Variants in PRKAR2B observed in about 807,000 individuals in gnomAD.
The protein encoded by PRKAR2B is cAMP-dependent protein kinase type II-beta regulatory subunit.
A neutral mutation model predicts 49.9 loss-of-function variants in PRKAR2B; 14 were observed. The observed-to-expected ratio is 0.28, with a 90% CI of 0.19 to 0.44. The LOEUF is 0.44. PRKAR2B is among the 20% of genes least tolerant of loss of function. PRKAR2B has a pLI of 1.00. For missense variants in PRKAR2B, 393 were observed against 537.9 expected, an observed-to-expected ratio of 0.73 and a Z score of 2.67; for synonymous variants, 196 against 197.7, an observed-to-expected ratio of 0.99 and a Z score of 0.07.
At position 107,046,831 on chromosome 7, in the gene PRKAR2B, C is replaced by CATATAT. The variant is rs113417055; in HGVS notation, c.307+1628_307+1633dup. On this transcript the variant is annotated intron_variant, in intron 1 of 10. Transcript: ENST00000265717. ...AGGAACTAAGGGGCTTGGTAAAGACCATATATATATATATATTCTGTATGA... is the reference window on the plus strand; with the variant it reads ...AGGAACTAAGGGGCTTGGTAAAGACCATATATATATATATATATATATTCTGTATGA... Among the ~76,000 whole-genome samples, 1,055 of 149,222 alleles carry CATATAT rather than the reference C, an allele frequency of 7.1e-3. 11 individuals are homozygous for CATATAT. The highest frequency in any genetic ancestry group is 0.023 in the African/African-American group (957 of 40,798).
intron 8 of PRKAR2B, among the ~76,000 whole-genome samples, chr7:107,153,826 C>A (rs1796031557): frequency 6.6e-6 from 1 of 152,196 alleles, no homozygotes; most frequent in African/African-American, 2.4e-5. Flanking sequence ...ACAGGTAAAG[C>A]ATGCAGATGA....
intron 3 of PRKAR2B, among the ~76,000 whole-genome samples, chr7:107,126,176 G>A (rs1047957829): frequency 3.4e-5 from 5 of 146,372 alleles, no homozygotes; most frequent in African/African-American, 1.0e-4. Context: ...GGCAAATCAC[G>A]AGGTCAGGAC....
chr7:107,127,453 A>G (rs1205648926), intron 3 of PRKAR2B, among the ~76,000 whole-genome samples: 1 of 151,114 alleles, frequency 6.6e-6, no homozygotes, highest in African/African-American at 2.5e-5. Context: ...GACTCGAGAG[A>G]TAGCAAGCCA....
chr7:107,145,549 G>C (rs1795873679), intron 5 of PRKAR2B, among the ~76,000 whole-genome samples: 1 of 151,960 alleles, frequency 6.6e-6, no homozygotes. Flanking sequence ...TCAGTGATTT[G>C]ATAAATGTTT....
intron 2 of PRKAR2B, among the ~76,000 whole-genome samples, chr7:107,074,819 T>G (rs1562848024): frequency 6.6e-6 from 1 of 151,914 alleles, no homozygotes; most frequent in East Asian, 1.9e-4. Context: ...AATAAATAAA[T>G]AAAAATTTAG....
intron 1 of PRKAR2B, among the ~76,000 whole-genome samples, chr7:107,055,978 GAATTA>G (rs1793904121): frequency 6.6e-6 from 1 of 152,148 alleles, no homozygotes; most frequent in Non-Finnish European, 1.5e-5. Context: ...AATCCATCTT[GAATTA>G]ATTTTTGTAT....
chr7:107,155,368 A>G lies in PRKAR2B; in HGVS notation c.919-1616A>G, dbSNP rs1474981796. 3.3e-5 allele frequency among the ~76,000 whole-genome samples: 5 copies of G among 152,224 alleles called. No homozygotes were observed. In the East Asian group the frequency reaches 9.6e-4, roughly 29 times the overall value. On this transcript the variant is annotated intron_variant, in intron 8 of 10. Transcript: ENST00000265717. ...CAGGAGTTCGAGACCAGCCTGGCCA[A>G]CATGGTGAAACCCCATCTCTAATAA...
chr7:107,077,389 A>C (rs1036665377), intron 2 of PRKAR2B: 30 of 152,200 alleles, frequency 2.0e-4, no homozygotes, highest in African/African-American at 7.2e-4. Flanking sequence ...TAATATCCTC[A>C]AAGTGAAAAG....
intron 5 of PRKAR2B, among the ~76,000 whole-genome samples, chr7:107,143,912 T>A (rs1324269628): frequency 6.6e-6 from 1 of 152,178 alleles, no homozygotes; most frequent in Non-Finnish European, 1.5e-5. Context: ...ATCTAAAATC[T>A]ATAACACTTC....
intron 2 of PRKAR2B, among the ~76,000 whole-genome samples, chr7:107,092,911 ATTCT>A (rs953023004): frequency 5.9e-5 from 9 of 152,122 alleles, no homozygotes; most frequent in African/African-American, 2.2e-4. Context: ...GGCAGCCAAC[ATTCT>A]TTCTGTCTCT....
At chr7:107,060,401 G>A (rs1794003298) in intron 1 of PRKAR2B, among the ~76,000 whole-genome samples, 1 of 152,190 alleles carries the variant, frequency 6.6e-6, no homozygotes, top group Non-Finnish European at 1.5e-5. Context: ...AATATTGTCA[G>A]ATTTCAACAA....
intron 2 of PRKAR2B, among the ~76,000 whole-genome samples, chr7:107,116,372 A>G (rs1795273003): frequency 3.3e-5 from 5 of 152,116 alleles, no homozygotes; most frequent in Admixed American, 2.0e-4. Context: ...CACTTTGTAG[A>G]TATCGTCATT....
intron 2 of PRKAR2B, among the ~76,000 whole-genome samples, chr7:107,071,850 G>A (rs148550706): frequency 0.016 from 2,461 of 152,242 alleles, 28 homozygotes; most frequent in Middle Eastern, 0.037. Context: ...CAGATCACGA[G>A]GTCAGGAGAT....
At chr7:107,142,130 T>C (rs1562869499) in intron 5 of PRKAR2B, among the ~76,000 whole-genome samples, 1 of 152,172 alleles carries the variant, frequency 6.6e-6, no homozygotes, top group Non-Finnish European at 1.5e-5. Context: ...TTACGTTTGC[T>C]CTCTGGGCTG....
chr7:107,107,336 C>CA (rs548269284), intron 2 of PRKAR2B, among the ~76,000 whole-genome samples: 4,593 of 139,590 alleles, frequency 0.033, 206 homozygotes, highest in African/African-American at 0.11. Flanking sequence ...GACTCCATCT[C>CA]AAAAAAAAAA....
intron 4 of PRKAR2B, chr7:107,128,954 C>A (rs897028873): frequency 6.6e-6 from 1 of 152,048 alleles, no homozygotes; most frequent in East Asian, 1.9e-4. Flanking sequence ...TATGCTTAGT[C>A]ATTGCTGTAT....
intron 2 of PRKAR2B, among the ~76,000 whole-genome samples, chr7:107,094,535 G>T (rs1455008080): frequency 6.6e-6 from 1 of 152,130 alleles, no homozygotes; most frequent in Admixed American, 6.5e-5. Flanking sequence ...GTTTGTTTTG[G>T]CTTTTGTTGC....
intron 2 of PRKAR2B, among the ~76,000 whole-genome samples, chr7:107,081,499 A>G (rs954545220): frequency 6.9e-6 from 1 of 145,824 alleles, no homozygotes; most frequent in Non-Finnish European, 1.5e-5. Context: ...GCAATATATT[A>G]TATACTAGGT....
intron 2 of PRKAR2B, among the ~76,000 whole-genome samples, chr7:107,114,566 C>T (rs1031167597): frequency 8.3e-5 from 12 of 143,942 alleles, no homozygotes; most frequent in Non-Finnish European, 1.1e-4. Flanking sequence ...GAGGGCATTT[C>T]GCCATATTGG....
Sources: gnomAD v4.1 joint callset for allele counts (sites outside exome capture counted in the v4.1 genomes callset) on GRCh38, gnomAD v4.1.1 for gene constraint, MANE v1.5 for transcripts, NCBI Gene and HGNC (gene_info 2026-07-23, HGNC 2026-07-21) for gene names.